CPVL: variants seen among roughly 807,000 people sequenced by gnomAD.
CPVL encodes the protein probable serine carboxypeptidase CPVL.
Under a neutral mutation model 63.7 loss-of-function variants are expected in CPVL, and 51 were observed. The observed-to-expected ratio is 0.80, with a 90% confidence interval of 0.64 to 1.01. CPVL has a LOEUF of 1.01. Ranked by LOEUF, CPVL falls within the 50% of genes least tolerant of loss-of-function variation. The pLI is 0.00. For synonymous variants in CPVL, 195 were observed against 206.0 expected (o/e 0.95, Z 0.46); for missense variants, 530 against 573.1 (o/e 0.92, Z 0.77).
chr7:29,122,717 C>A (rs182884187), intron 1 of CPVL: 175 of 152,264 alleles, frequency 1.1e-3, no homozygotes, highest in African/African-American at 3.8e-3. Context: ...TAGGGAGAAG[C>A]GAGGGAGGTA....
At chr7:29,184,028 ATAC>A (rs558373606) in intron 4 of CPVL, among the ~76,000 whole-genome samples, 2 of 152,140 alleles carry the variant, frequency 1.3e-5, no homozygotes, top group South Asian at 2.1e-4. Flanking sequence ...TTATCTGCAA[ATAC>A]TACACTATTT....
At chr7:29,146,785 A>G (rs761432317), upstream of CPVL, 131 of 1,549,012 alleles carry the variant, frequency 8.5e-5, no homozygotes, top group Non-Finnish European at 5.9e-5. Context: ...TTTGTCTCCC[A>G]GTTTTTAAAA....
At chr7:29,150,131 C>T (rs1030545492), upstream of CPVL, among the ~76,000 whole-genome samples, 1 of 152,150 alleles carries the variant, frequency 6.6e-6, no homozygotes, top group African/African-American at 2.4e-5. Flanking sequence ...GTTCTCTGCA[C>T]CTGCATATTC....
chr7:29,118,232 T>C (rs920443192), intron 2 of CPVL, among the ~76,000 whole-genome samples: 2 of 152,228 alleles, frequency 1.3e-5, no homozygotes, highest in East Asian at 3.8e-4. Context: ...AGTATTTCAG[T>C]CTCAATTTCC....
chr7:29,099,520 T>C (rs60482561), intron 3 of CPVL, among the ~76,000 whole-genome samples: 1,622 of 152,264 alleles, frequency 0.011, 26 homozygotes, highest in African/African-American at 0.036. Context: ...GAGACCAGCC[T>C]GGCCAATATG....
At chr7:29,186,504 A>T (rs756282077) in exon 2 of CPVL, 7 of 151,672 alleles carry the variant, frequency 4.6e-5, no homozygotes, top group Non-Finnish European at 7.4e-5. Context: ...CCCAGGAGGT[A>T]GAGGCTGTAG....
At chr7:29,035,319 A>T (rs1788417255) in intron 11 of CPVL, among the ~76,000 whole-genome samples, 1 of 152,136 alleles carries the variant, frequency 6.6e-6, no homozygotes, top group Admixed American at 6.5e-5. Flanking sequence ...CCACCCTTCT[A>T]CCTAAAATTT....
chr7:29,176,727 A>G (rs1259067622), intron 5 of CPVL, among the ~76,000 whole-genome samples: 4 of 152,228 alleles, frequency 2.6e-5, no homozygotes, highest in Non-Finnish European at 5.9e-5. Flanking sequence ...TAACGTTGAC[A>G]GTATAAAACA....
At chr7:29,129,718 C>A (rs1026641000) in intron 1 of CPVL, among the ~76,000 whole-genome samples, 1 of 152,096 alleles carries the variant, frequency 6.6e-6, no homozygotes, top group African/African-American at 2.4e-5. Context: ...CTGCCCACCT[C>A]GGCTTCCCAA....
At chr7:29,052,078 C>T (rs1189930672) in intron 11 of CPVL, among the ~76,000 whole-genome samples, 1 of 151,772 alleles carries the variant, frequency 6.6e-6, no homozygotes, top group Non-Finnish European at 1.5e-5. Context: ...TATGTTCTCA[C>T]TGATGTGTGG....
At chr7:29,083,391 G>C (rs73302165) in intron 7 of CPVL, among the ~76,000 whole-genome samples, 1 of 152,318 alleles carries the variant, frequency 6.6e-6, no homozygotes, top group African/African-American at 2.4e-5. Flanking sequence ...CCAGGGTGTG[G>C]AGTGGGCCTC....
intron 11 of CPVL, among the ~76,000 whole-genome samples, chr7:29,050,629 G>A (rs1316094460): frequency 2.6e-5 from 4 of 152,004 alleles, no homozygotes; most frequent in African/African-American, 7.2e-5. Context: ...CCATACTTAT[G>A]GATGGGTAGA....
At chr7:28,996,005 A>G in intron 12 of CPVL, 123 bp from the exon 13 acceptor site, 2 of 577,740 alleles carry the variant, frequency 3.5e-6, no homozygotes. Context: ...TATTCTCCCA[A>G]TGCATGCCTT....
rs10663904 is a variant in CPVL at position 29,142,528 on chromosome 7, C to CT, written c.-11+3900dup. ...TTCCTCCTTCTATGACTTCCAGATA[C>CT]TTTTTTTTTTTTTTTTGAGACACAG... On this transcript the variant is annotated intron_variant, in intron 1 of 12. Coordinates refer to ENST00000265394, the MANE Select transcript of CPVL (RefSeq NM_031311.5). 4.2e-4 allele frequency among the ~76,000 whole-genome samples: 53 copies of CT among 127,590 alleles called. 2 individuals are homozygous for CT. Among genetic ancestry groups the CT allele is most frequent in the Non-Finnish European group, 2.9e-4 (18 of 63,048 alleles). 83.7% of individuals were successfully genotyped at this position (127,590 alleles called of 152,430 possible).
intron 5 of CPVL, among the ~76,000 whole-genome samples, chr7:29,164,177 T>C (rs978208206): frequency 1.2e-4 from 19 of 152,222 alleles, no homozygotes; most frequent in African/African-American, 4.1e-4. Context: ...TTGTGTCTTT[T>C]TGATTATTGC....
rs372719601 is a variant in CPVL, at chr7:29,106,407, T to C, written c.288+6297A>G. ...GCCAGGGATATCATCTTGCTAAGAG[T>C]CTTGGTGGTCTGGGTGCATAGCTAA... On this transcript the variant is annotated intron_variant, in intron 3 of 12. Coordinates refer to ENST00000265394, the MANE Select transcript of CPVL (RefSeq NM_031311.5). 4.6e-5 allele frequency among the ~76,000 whole-genome samples: 7 copies of C among 151,770 alleles called. No homozygotes were observed. The East Asian group carries it at 1.2e-3, about 25-fold the overall frequency.
rs373197576 is a variant in CPVL at position 29,068,680 on chromosome 7, T to C, written c.865-2559A>G. ...GCATCACCACAGAGGAGGTGTCTTT[T>C]TCTTTTTTTTTTTCTTTGTTTTTTT... On this transcript the variant is annotated intron_variant, in intron 9 of 12. Transcript: ENST00000265394. Among the ~76,000 whole-genome samples, 306 of 151,152 alleles carry C rather than the reference T, an allele frequency of 2.0e-3. 1 individual carries two copies. Among genetic ancestry groups the C allele is most frequent in the African/African-American group, 6.3e-3 (259 of 40,958 alleles).
At chr7:29,036,203 G>A (rs763954679) in intron 11 of CPVL, among the ~76,000 whole-genome samples, 7 of 152,172 alleles carry the variant, frequency 4.6e-5, no homozygotes, top group Admixed American at 1.3e-4. Flanking sequence ...ACTGGAACTC[G>A]TAGACATGTG....
chr7:29,024,453 C>G (rs1787299349), intron 12 of CPVL, among the ~76,000 whole-genome samples: 1 of 152,114 alleles, frequency 6.6e-6, no homozygotes, highest in Admixed American at 6.5e-5. Context: ...CCCAAACTTC[C>G]AAAGTCTTGC....
Sources: gnomAD v4.1 joint callset for allele counts (sites outside exome capture counted in the v4.1 genomes callset) on GRCh38, gnomAD v4.1.1 for gene constraint, MANE v1.5 for transcripts, NCBI Gene and HGNC (gene_info 2026-07-23, HGNC 2026-07-21) for gene names.